The following SNX25 variants were observed in gnomAD, a reference collection of about 807,000 sequenced individuals.
SNX25 encodes the protein sorting nexin-25.
SNX25 carries 62 observed loss-of-function variants against 113.7 expected under a neutral mutation model. The ratio of observed to expected loss-of-function variants is 0.55; its 90% confidence interval spans 0.44 to 0.67. SNX25 has a LOEUF of 0.67. Ranked by LOEUF, SNX25 falls within the 30% of genes least tolerant of loss-of-function variation. The pLI is 0.00. For synonymous variants in SNX25, 421 were observed against 436.2 expected, an observed-to-expected ratio of 0.97 and a Z score of 0.43; for missense variants, 1,014 against 1,161.0, an observed-to-expected ratio of 0.87 and a Z score of 1.84.
intron 1 of SNX25, among the ~76,000 whole-genome samples, chr4:185,242,522 C>G (rs969164857): frequency 3.9e-5 from 6 of 152,210 alleles, no homozygotes; most frequent in Admixed American, 2.6e-4. Context: ...CTTACATTTA[C>G]TGGTTTATTG....
intron 15 of SNX25, among the ~76,000 whole-genome samples, chr4:185,354,477 T>C (rs2095330346): frequency 6.6e-6 from 1 of 152,038 alleles, no homozygotes; most frequent in Non-Finnish European, 1.5e-5. Context: ...GCAGGTAGAG[T>C]CTGGGATACT....
At chr4:185,352,499 C>T (rs2095320810) in intron 14 of SNX25, among the ~76,000 whole-genome samples, 1 of 152,202 alleles carries the variant, frequency 6.6e-6, no homozygotes, top group Non-Finnish European at 1.5e-5. Context: ...CACCTCTTTC[C>T]TTCATGTGTC....
intron 12 of SNX25, among the ~76,000 whole-genome samples, chr4:185,345,384 T>G (rs1054073982): frequency 2.0e-5 from 3 of 152,196 alleles, no homozygotes; most frequent in African/African-American, 7.2e-5. Flanking sequence ...AAATAACACA[T>G]GCTATGCTTC....
Position 185,304,904 on chromosome 4 carries a change from C to G in SNX25, c.1163-5731C>G, listed in dbSNP as rs147837745. 3.3e-5 allele frequency among the ~76,000 whole-genome samples: 5 copies of G among 152,110 alleles called. No homozygotes were observed. In the East Asian group the frequency reaches 7.7e-4, roughly 23 times the overall value. ...GGGAGGAAGTCTCTATTCCATATGT[C>G]GATTGCCTGCATTTCACGAGAAGAC... On this transcript the variant is annotated intron_variant, in intron 6 of 18. Transcript: ENST00000652585.
At chr4:185,243,466 C>T (rs887031108) in intron 1 of SNX25, among the ~76,000 whole-genome samples, 3 of 151,944 alleles carry the variant, frequency 2.0e-5, no homozygotes, top group Non-Finnish European at 4.4e-5. Flanking sequence ...TAAAACATAG[C>T]GGGACACACA....
At chr4:185,244,895 G>C (rs1744610297) in intron 1 of SNX25, among the ~76,000 whole-genome samples, 1 of 152,066 alleles carries the variant, frequency 6.6e-6, no homozygotes, top group South Asian at 2.1e-4. Context: ...AGCACGAACA[G>C]GGATGACATC....
Position 185,210,176 on chromosome 4 carries a change from G to A in SNX25, c.350G>A (p.Ser117Asn), listed in dbSNP as rs1389341712. The A allele has an allele frequency of 8.1e-6, 8 of 984,846 alleles. No homozygotes were observed. Among genetic ancestry groups the A allele is most frequent in the Non-Finnish European group, 9.6e-6 (8 of 830,296 alleles). 61.0% of individuals were successfully genotyped at this position (984,846 alleles called of 1,614,324 possible). The change falls in exon 1 of 19, where the codon AGC becomes AAC. Residue 117 changes from serine (S) to asparagine (N), a missense_variant. By Grantham distance (46) the Ser-to-Asn change is conservative. Coordinates refer to ENST00000652585, the MANE Select transcript of SNX25 (RefSeq NM_001378034.2). This position sits in a 1 kb window ranked among gnomAD's most constrained non-coding sequence, Gnocchi z 4.4. ...ATCCTGTTTGCCCTCGTCTGCCGGA[G>A]CCCGCGCGCCCAGCCGCCCGACTTC... The part of the protein sequence containing the change: ...LGILFALVCR[S>N]PRAQPPDFAA...
intron 5 of SNX25, among the ~76,000 whole-genome samples, chr4:185,270,830 C>G (rs1020676161): frequency 9.2e-5 from 14 of 152,320 alleles, no homozygotes; most frequent in Admixed American, 8.5e-4. Flanking sequence ...TTCCAAGGTT[C>G]ATTTGCATTG....
chr4:185,302,106 T>G (rs1753777984), intron 6 of SNX25, among the ~76,000 whole-genome samples: 1 of 149,988 alleles, frequency 6.7e-6, no homozygotes, highest in Non-Finnish European at 1.5e-5. Flanking sequence ...TTTTGTTTTT[T>G]TTTTTTTTTA....
downstream of SNX25, chr4:185,374,238 A>G (rs747515138): frequency 1.2e-6 from 2 of 1,614,094 alleles, no homozygotes; most frequent in Non-Finnish European, 1.7e-6. Context: ...GATAAGCCAC[A>G]GTCTACAAGA....
chr4:185,236,049 G>A (rs1015130845), intron 1 of SNX25, among the ~76,000 whole-genome samples: 6 of 152,298 alleles, frequency 3.9e-5, no homozygotes, highest in East Asian at 1.9e-4. Flanking sequence ...TCTGGTGTGC[G>A]GATGATCTAA....
chr4:185,219,820 T>C (rs1308719465), intron 1 of SNX25, among the ~76,000 whole-genome samples: 1 of 152,134 alleles, frequency 6.6e-6, no homozygotes, highest in Non-Finnish European at 1.5e-5. Flanking sequence ...GAGGGCTGCT[T>C]GCAGGCTGCC....
At chr4:185,362,415 T>A in intron 17 of SNX25, 196 bp from the exon 18 acceptor site, 1 of 918,118 alleles carries the variant, frequency 1.1e-6, no homozygotes, top group Non-Finnish European at 1.3e-6. Flanking sequence ...TGAAAAATAT[T>A]AAAATTGTAA....
intron 10 of SNX25, among the ~76,000 whole-genome samples, chr4:185,335,352 A>G (rs938780743): frequency 1.1e-4 from 16 of 150,904 alleles, no homozygotes; most frequent in African/African-American, 3.7e-4. Flanking sequence ...ACACACACAC[A>G]CACACAACAA....
chr4:185,377,953 A>G, the SNX25 span: 1 of 749,360 alleles, frequency 1.3e-6, no homozygotes, highest in Admixed American at 3.2e-5. Flanking sequence ...GGAAAACTCA[A>G]AAGGACTAAT....
chr4:185,301,380 CT>C (rs199570597), intron 6 of SNX25, among the ~76,000 whole-genome samples: 1 of 151,536 alleles, frequency 6.6e-6, no homozygotes, highest in Non-Finnish European at 1.5e-5. Context: ...GTTAGTCAGA[CT>C]TTTTTTTTAT....
At chr4:185,267,674 T>C (rs955970585) in intron 5 of SNX25, among the ~76,000 whole-genome samples, 1 of 151,262 alleles carries the variant, frequency 6.6e-6, no homozygotes, top group Admixed American at 6.6e-5. Context: ...GAGGTTGCAG[T>C]GAGCTGAGAT....
rs1335846070 is a variant in SNX25 at position 185,240,072 on chromosome 4, C to A, written c.430-7222C>A. ...GACACAGCACATGTTTCAGAGAGCA[C>A]AGGGTTGGGGGTAAGGTCATAGATC... On this transcript the variant is annotated intron_variant, in intron 1 of 18. Transcript: ENST00000652585. 5.3e-5 allele frequency among the ~76,000 whole-genome samples: 8 copies of A among 151,604 alleles called. No individual in the cohort carries two copies. In the South Asian group the frequency reaches 1.3e-3, roughly 24 times the overall value.
chr4:185,238,936 ATGT>A (rs1414195532), intron 1 of SNX25, among the ~76,000 whole-genome samples: 4 of 152,094 alleles, frequency 2.6e-5, no homozygotes, highest in Non-Finnish European at 5.9e-5. Flanking sequence ...TGAGGTGTGT[ATGT>A]TGGCTGGATT....
Sources: allele counts gnomAD v4.1 joint callset (sites outside exome capture counted in the v4.1 genomes callset), GRCh38; gene constraint gnomAD v4.1.1; non-coding constraint Gnocchi (gnomAD v3.1); transcripts MANE v1.5; gene names NCBI Gene and HGNC (gene_info 2026-07-23, HGNC 2026-07-21).